Variants in AKAP17A observed in about 807,000 individuals in gnomAD.
The protein encoded by AKAP17A is A-kinase anchoring protein 17A.
AKAP17A carries 15 observed loss-of-function variants against 52.2 expected under a neutral mutation model. That is an observed-to-expected ratio of 0.29 (90% confidence interval 0.19 to 0.44). The LOEUF (loss-of-function observed/expected upper bound fraction) is 0.44, where lower values mean the gene tolerates loss of function less well. Among genes scored for constraint, AKAP17A ranks in the 20% least tolerant of loss-of-function variants. The pLI is 1.00. For synonymous variants in AKAP17A, 514 were observed against 424.7 expected (o/e 1.21, Z -2.58); for missense variants, 1,060 against 1,007.0 (o/e 1.05, Z -0.71).
At position 1,600,825 on chromosome X, in the gene AKAP17A, G is replaced by A. The variant is rs1933323255; in HGVS notation, c.1319G>A (p.Ser440Asn). ...CGGGAGCTGCGCGAGCGGCTGCTGAGCATCCTGCTGAGCAAGAAGCCGGAC... is the reference window on the plus strand; with the variant it reads ...CGGGAGCTGCGCGAGCGGCTGCTGAACATCCTGCTGAGCAAGAAGCCGGAC... ...KERELRERLL[S>N]ILLSKKPDDS... is the part of the protein sequence containing the mutation. Residue 440 changes from serine (S) to asparagine (N), a missense_variant, in exon 5 of 5, where the codon AGC becomes AAC. Ser to Asn is a conservative substitution (Grantham distance 46). This residue lies in a region of AKAP17A where 793 missense variants were observed against 629.9 expected (regional missense o/e 1.26). Transcript: ENST00000313871. 1.3e-6 allele frequency: 2 copies of A among 1,592,624 alleles called. No individual in the cohort carries two copies. Among genetic ancestry groups the A allele is most frequent in the South Asian group, 2.2e-5 (2 of 89,040 alleles).
chrX:1,595,261 TGAGCG>T, intron 2 of AKAP17A, 118 bp from the exon 3 acceptor site: 1 of 1,241,092 alleles, frequency 8.1e-7, no homozygotes, highest in Non-Finnish European at 1.1e-6. Context: ...TGGTGAGCGG[TGAGCG>T]GTGAGCGGGC....
chrX:1,595,996 CGCA>C (rs1198566568), intron 3 of AKAP17A, among the ~76,000 whole-genome samples: 3 of 152,082 alleles, frequency 2.0e-5, no homozygotes, highest in Non-Finnish European at 4.4e-5. Context: ...CTGTTTGAGA[CGCA>C]GCAGAATATG....
chrX:1,594,636 C>T (rs190342954), intron 2 of AKAP17A, among the ~76,000 whole-genome samples: 2,622 of 148,274 alleles, frequency 0.018, 71 homozygotes, highest in African/African-American at 0.061. Flanking sequence ...ATTTTTTTTT[C>T]GAGGCAGAGT....
In AKAP17A at chrX:1,593,340, G is replaced by GT. The variant is rs200156634; in HGVS notation, c.-19-101dup. On this transcript the variant is annotated intron_variant, in intron 1 of 4. Coordinates refer to ENST00000313871, the MANE Select transcript of AKAP17A (RefSeq NM_005088.3). ...TCTGACACGGCAGAGAGACACTGCT[G>GT]TTTCTCTTCTCCGGGTCCAGAAAGT... 5.8e-3 allele frequency: 6,750 copies of GT among 1,163,822 alleles called. 311 individuals carry two copies. The African/African-American group carries it at 0.095, about 16-fold the overall frequency. The allele number at this position is 1,163,822 out of a possible 1,614,324, so 72.1% of individuals were successfully genotyped here. A position where few individuals can be genotyped will look rare whatever the true frequency, so the allele number is the denominator to read the frequency against.
At position 1,601,289 on chromosome X, in the gene AKAP17A, C is replaced by T. The variant is rs1485984900; in HGVS notation, c.1783C>T (p.Leu595Phe). 1 of 1,611,130 alleles carries T rather than the reference C, an allele frequency of 6.2e-7. No homozygotes were observed. The highest frequency in any genetic ancestry group is 8.5e-7 in the Non-Finnish European group (1 of 1,179,102). The change falls in exon 5 of 5, where the codon CTT (leucine) becomes TTT (phenylalanine). Residue 595 changes from leucine (L) to phenylalanine (F), a missense_variant. Leu to Phe is a conservative substitution (Grantham distance 22, BLOSUM62 0). Transcript: ENST00000313871. ...KGRGRATGDGLADRHKRERSR... is the reference protein window; with the variant it reads ...KGRGRATGDGFADRHKRERSR... ...CCGGGGCCGGGCCACCGGAGACGGGCTTGCTGACCGGCACAAGCGGGAGAG... is the reference window on the plus strand; with the variant it reads ...CCGGGGCCGGGCCACCGGAGACGGGTTTGCTGACCGGCACAAGCGGGAGAG...
At chrX:1,598,445 G>A (rs181853242) in intron 3 of AKAP17A, among the ~76,000 whole-genome samples, 15 of 152,196 alleles carry the variant, frequency 9.9e-5, no homozygotes, top group Non-Finnish European at 1.3e-4. Flanking sequence ...GGTTGGCGGC[G>A]CCCACCCGGG....
intron 3 of AKAP17A, 41 bp from the exon 4 acceptor site, chrX:1,599,151 T>A (rs1420387074): frequency 7.5e-6 from 12 of 1,601,062 alleles, no homozygotes; most frequent in African/African-American, 1.3e-5. Context: ...GTGTGTTGGC[T>A]GCGGCGCTCT....
intron 2 of AKAP17A, 24 bp downstream of exon 2, chrX:1,594,248 C>G: frequency 6.7e-7 from 1 of 1,502,428 alleles, no homozygotes; most frequent in Non-Finnish European, 8.9e-7. Context: ...ACCGAGAGAG[C>G]CACGCGCTTC....
intron 1 of AKAP17A, among the ~76,000 whole-genome samples, chrX:1,592,599 G>T (rs770007459): frequency 1.1e-4 from 17 of 152,182 alleles, no homozygotes; most frequent in African/African-American, 4.1e-4. Flanking sequence ...CTCCCACCTC[G>T]GGCTTGGGCG....
chrX:1,600,863 C>T lies in AKAP17A; in HGVS notation c.1357C>T (p.His453Tyr), dbSNP rs1346183566. 1 of 1,589,950 alleles carries T rather than the reference C, an allele frequency of 6.3e-7. No individual in the cohort carries two copies. The highest frequency in any genetic ancestry group is 8.5e-7 in the Non-Finnish European group (1 of 1,172,344). The change falls in exon 5 of 5, where the codon CAC becomes TAC. Residue 453 changes from histidine to tyrosine, a missense_variant. Physicochemically the swap from His to Tyr is moderately conservative, Grantham distance 83. Around this residue, in one of 2 missense-constraint regions of AKAP17A, gnomAD observed 793 missense variants for 629.9 expected, o/e 1.26. Transcript: ENST00000313871. ...LSKKPDDSHTHDELGVAHADL... is the reference protein window; with the variant it reads ...LSKKPDDSHTYDELGVAHADL... ...CAAGAAGCCGGACGACAGCCACACA[C>T]ACGACGAGCTGGGCGTGGCACACGC...
Position 1,599,543 on chromosome X carries a change from A to C in AKAP17A, c.1152+111A>C, listed in dbSNP as rs1359358340. 4 of 1,466,680 alleles carry C rather than the reference A, an allele frequency of 2.7e-6. No individual in the cohort carries two copies. In the African/African-American group the frequency reaches 5.6e-5, roughly 21 times the overall value. 90.9% of individuals were successfully genotyped at this position (1,466,680 alleles called of 1,614,324 possible). A position where few individuals can be genotyped will look rare whatever the true frequency, so the allele number is the denominator to read the frequency against. ...CCGTTTCCCCGCCGGCTGCAGCTGTAGCTACGAAACCAGCTTTAATGCCGA... is the reference window on the plus strand; with the variant it reads ...CCGTTTCCCCGCCGGCTGCAGCTGTCGCTACGAAACCAGCTTTAATGCCGA... On this transcript the variant is annotated intron_variant, in intron 4 of 4. Coordinates refer to ENST00000313871, the MANE Select transcript of AKAP17A (RefSeq NM_005088.3).
intron 2 of AKAP17A, 111 bp downstream of exon 2, chrX:1,594,335 C>T: frequency 1.5e-6 from 2 of 1,319,714 alleles, no homozygotes; most frequent in Non-Finnish European, 2.0e-6. Flanking sequence ...GGGACCTCCC[C>T]TAAGTAAAAT....
rs779684444 is a variant in AKAP17A, at chrX:1,601,013, C to T, written c.1507C>T (p.Pro503Ser). Residue 503 changes from proline (P) to serine (S), a missense_variant, in exon 5 of 5, where the codon CCA becomes TCA. Pro to Ser is a moderately conservative substitution (Grantham distance 74). This residue lies in a region of AKAP17A where 793 missense variants were observed against 629.9 expected (regional missense o/e 1.26). Coordinates refer to ENST00000313871, the MANE Select transcript of AKAP17A (RefSeq NM_005088.3). ...AGAPKESPAH[P>S]EADGAPKSVN... Reference sequence around the variant, plus strand: ...TGCCCCCAAGGAGAGCCCGGCCCACCCAGAGGCCGACGGCGCTCCCAAAAG... The same window carrying T: ...TGCCCCCAAGGAGAGCCCGGCCCACTCAGAGGCCGACGGCGCTCCCAAAAG... 6.2e-6 allele frequency: 10 copies of T among 1,609,178 alleles called. No individual in the cohort carries two copies. In the African/African-American group the frequency reaches 1.2e-4, roughly 19 times the overall value.
rs769545372 is a variant in AKAP17A at position 1,601,601 on chromosome X, GCACGGCCTCCC to G, written c.*16_*26del. The G allele has an allele frequency of 2.5e-4, 360 of 1,418,634 alleles. 2 individuals carry two copies. In the African/African-American group the frequency reaches 4.6e-3, roughly 18 times the overall value. 87.9% of individuals were successfully genotyped at this position (1,418,634 alleles called of 1,614,324 possible). On this transcript the variant is annotated 3_prime_UTR_variant, in exon 5 of 5. Coordinates refer to ENST00000313871, the MANE Select transcript of AKAP17A (RefSeq NM_005088.3). The stretch of plus-strand genomic sequence containing the variant: ...CAGTACCTGGAACAGGTAATGACGG[GCACGGCCTCCC>G]CACGGCCTGTCCGGGAAAGACCAGG...
At chrX:1,597,767 T>A (rs182335075) in intron 3 of AKAP17A, among the ~76,000 whole-genome samples, 1 of 150,940 alleles carries the variant, frequency 6.6e-6, no homozygotes, top group African/African-American at 2.4e-5. Flanking sequence ...AGTAGTGGAG[T>A]GTGTCTCTGC....
chrX:1,600,097 T>TC, intron 4 of AKAP17A: 1 of 1,232,128 alleles, frequency 8.1e-7, no homozygotes, highest in Non-Finnish European at 1.1e-6. Context: ...CCCCCTGGAG[T>TC]CCAACGCGGG....
chrX:1,598,753 G>A (rs1313387542), intron 3 of AKAP17A, among the ~76,000 whole-genome samples: 4 of 152,212 alleles, frequency 2.6e-5, no homozygotes, highest in Non-Finnish European at 5.9e-5. Context: ...TGCCCTCACA[G>A]GAGTCCTGCA....
At chrX:1,596,193 A>G (rs1260937044) in intron 3 of AKAP17A, among the ~76,000 whole-genome samples, 2 of 149,108 alleles carry the variant, frequency 1.3e-5, no homozygotes, top group African/African-American at 4.9e-5. Flanking sequence ...CATTTACAAA[A>G]TGAAGTAGAG....
At position 1,593,373 on chromosome X, in the gene AKAP17A, G is replaced by A. The variant is rs1337335892; in HGVS notation, c.-19-71G>A. 8.0e-6 allele frequency: 12 copies of A among 1,492,680 alleles called. No homozygotes were observed. The East Asian group carries it at 2.7e-4, about 34-fold the overall frequency. The allele number at this position is 1,492,680 out of a possible 1,614,324, so 92.5% of individuals were successfully genotyped here. A position where few individuals can be genotyped will look rare whatever the true frequency, so the allele number is the denominator to read the frequency against. On this transcript the variant is annotated intron_variant, in intron 1 of 4. Coordinates refer to ENST00000313871, the MANE Select transcript of AKAP17A (RefSeq NM_005088.3). ...TCTCCGGGTCCAGAAAGTGCCTGCT[G>A]GCTTGGCCCCTCCTCATTGGCGGGG...
Sources: gnomAD v4.1 joint callset for allele counts (sites outside exome capture counted in the v4.1 genomes callset) on GRCh38, gnomAD v4.1.1 for gene constraint, gnomAD v4.1.1 regional missense constraint, MANE v1.5 for transcripts, NCBI Gene and HGNC (gene_info 2026-07-23, HGNC 2026-07-21) for gene names.